Variants in PKD1L1 observed in about 807,000 individuals in gnomAD.
PKD1L1 encodes the protein polycystin-1-like protein 1.
A neutral mutation model predicts 323.4 loss-of-function variants in PKD1L1; 236 were observed. The observed-to-expected ratio is 0.73, with a 90% confidence interval of 0.66 to 0.81. The LOEUF is 0.81. Ranked by LOEUF, PKD1L1 falls within the 40% of genes least tolerant of loss-of-function variation. The probability of loss-of-function intolerance (pLI) is 0.00; values close to 1 mark genes in which losing one functional copy is unlikely to be tolerated. For synonymous variants in PKD1L1, 1,344 were observed against 1,335.0 expected (o/e 1.01, Z -0.15); for missense variants, 3,320 against 3,508.0 (o/e 0.95, Z 1.35).
intron 2 of PKD1L1, among the ~76,000 whole-genome samples, chr7:47,940,801 C>T (rs571819370): frequency 5.3e-5 from 8 of 152,306 alleles, no homozygotes; most frequent in East Asian, 1.9e-4. Flanking sequence ...ACCTGGCTGA[C>T]GTTCACTCCT....
At chr7:47,857,065 G>C (rs1785921159) in intron 28 of PKD1L1, among the ~76,000 whole-genome samples, 1 of 152,160 alleles carries the variant, frequency 6.6e-6, no homozygotes, top group Non-Finnish European at 1.5e-5. Context: ...CCCTTTCACT[G>C]TGGTCCCCTG....
chr7:47,915,599 C>A lies in PKD1L1; in HGVS notation c.1061G>T (p.Gly354Val), dbSNP rs369075538. The change falls in exon 8 of 57, where the codon GGT (glycine) becomes GTT (valine). Residue 354 changes from glycine (G) to valine (V), a missense_variant and splice_region_variant. Physicochemically the swap from Gly to Val is moderately radical, Grantham distance 109. Coordinates refer to ENST00000289672, the MANE Select transcript of PKD1L1 (RefSeq NM_138295.5). ...AAAATGTAAAAGATGAAAAAAAATA[C>A]CTATAAAAGCAAAAAGAAGAAAATA... Reference protein sequence around the residue: ...AVTAYHQYSKGIFFHLLHFQL... With the variant: ...AVTAYHQYSKVIFFHLLHFQL... 4.7e-6 allele frequency: 7 copies of A among 1,481,910 alleles called. No individual in the cohort carries two copies. The highest frequency in any genetic ancestry group is 2.0e-5 in the Admixed American group (1 of 48,994). 91.8% of individuals were successfully genotyped at this position (1,481,910 alleles called of 1,614,324 possible). A position where few individuals can be genotyped will look rare whatever the true frequency, so the allele number is the denominator to read the frequency against.
At chr7:47,880,375 G>A (rs185085863) in intron 21 of PKD1L1, among the ~76,000 whole-genome samples, 39,237 of 126,500 alleles carry the variant, frequency 0.31, 7,804 homozygotes, top group African/African-American at 0.51. Context: ...TCCACCTCCT[G>A]GGTTCACGCC....
In PKD1L1 at chr7:47,877,420, G is replaced by A. The variant is rs149171565; in HGVS notation, c.3663+69C>T. On this transcript the variant is annotated intron_variant, in intron 22 of 56. Transcript: ENST00000289672. ...ATTGCTGTCCATTCCTACAGCACCCGTGACTGCTGTGACTGCCAGATGCCA... is the reference window on the plus strand; with the variant it reads ...ATTGCTGTCCATTCCTACAGCACCCATGACTGCTGTGACTGCCAGATGCCA... 2.2e-3 allele frequency: 3,546 copies of A among 1,578,524 alleles called. 2 individuals carry two copies. The highest frequency in any genetic ancestry group is 4.0e-3 in the Middle Eastern group (18 of 4,476).
rs922520979 is a variant in PKD1L1 at position 47,922,448 on chromosome 7, TC to T, written c.1060+6755del. 2.9e-4 allele frequency among the ~76,000 whole-genome samples: 42 copies of T among 143,568 alleles called. 1 individual carries two copies. The highest frequency in any genetic ancestry group is 4.1e-3 in the Middle Eastern group (1 of 242). 94.2% of individuals were successfully genotyped at this position (143,568 alleles called of 152,430 possible). ...GAGGAGCACCTCTTCCCGGCCGTCA[TC>T]CCGTCTAGGAAGTGAGGAGCGTCTC... On this transcript the variant is annotated intron_variant, in intron 7 of 56. Coordinates refer to ENST00000289672, the MANE Select transcript of PKD1L1 (RefSeq NM_138295.5).
chr7:47,928,897 A>C (rs1415291798), intron 7 of PKD1L1, among the ~76,000 whole-genome samples: 1 of 152,184 alleles, frequency 6.6e-6, no homozygotes, highest in Non-Finnish European at 1.5e-5. Flanking sequence ...TCTGTGTAGG[A>C]TGAAGCGCCA....
At chr7:47,783,299 C>T (rs1584940606) in intron 56 of PKD1L1, among the ~76,000 whole-genome samples, 1 of 151,734 alleles carries the variant, frequency 6.6e-6, no homozygotes, top group African/African-American at 2.4e-5. Flanking sequence ...AACATACAAA[C>T]ATCATTCTTA....
chr7:47,830,517 AT>A (rs947940566), intron 42 of PKD1L1, among the ~76,000 whole-genome samples: 4 of 152,148 alleles, frequency 2.6e-5, no homozygotes, highest in Non-Finnish European at 5.9e-5. Flanking sequence ...CTGCTTTCAT[AT>A]TTCAGCTGCT....
intron 50 of PKD1L1, among the ~76,000 whole-genome samples, chr7:47,810,576 T>G (rs1414940266): frequency 2.0e-5 from 3 of 152,194 alleles, no homozygotes; most frequent in African/African-American, 7.2e-5. Context: ...TCTACACAAA[T>G]CTCAGCCTTT....
rs1583616615 is a variant in PKD1L1 at position 47,846,744 on chromosome 7, A to C, written c.5153+135T>G. On this transcript the variant is annotated intron_variant, in intron 32 of 56. Coordinates refer to ENST00000289672, the MANE Select transcript of PKD1L1 (RefSeq NM_138295.5). ...CTATGAGAGAACTGACACAGGCTGG[A>C]GAGTTGTACAAACCAAGAGAGCTCC... The C allele has an allele frequency of 6.6e-6, 5 of 761,588 alleles. No homozygotes were observed. The East Asian group carries it at 1.4e-4, about 21-fold the overall frequency. 47.2% of individuals were successfully genotyped at this position (761,588 alleles called of 1,614,324 possible). A position where few individuals can be genotyped will look rare whatever the true frequency, so the allele number is the denominator to read the frequency against.
chr7:47,952,986 T>C (rs1016773600), upstream of PKD1L1, among the ~76,000 whole-genome samples: 6 of 152,206 alleles, frequency 3.9e-5, no homozygotes, highest in Admixed American at 2.6e-4. Flanking sequence ...CCAAATGCCT[T>C]GGGTCCTTTG....
intron 4 of PKD1L1, among the ~76,000 whole-genome samples, chr7:47,935,588 G>A (rs1787852917): frequency 1.3e-5 from 2 of 152,204 alleles, no homozygotes; most frequent in Admixed American, 1.3e-4. Flanking sequence ...TGTGCAGCGT[G>A]GCCTGCCCTC....
At chr7:47,796,226 A>G (rs1784524069) in intron 54 of PKD1L1, 76 bp from the exon 55 acceptor site, 5 of 1,267,104 alleles carry the variant, frequency 3.9e-6, no homozygotes, top group Non-Finnish European at 5.4e-6. Context: ...GTGATAAACT[A>G]TGCAATGGAG....
intron 54 of PKD1L1, among the ~76,000 whole-genome samples, chr7:47,797,393 G>A (rs1778610456): frequency 6.6e-6 from 1 of 152,190 alleles, no homozygotes; most frequent in South Asian, 2.1e-4. Context: ...TCATATGTTT[G>A]TTCTTGATTG....
chr7:47,819,866 A>G lies in PKD1L1; in HGVS notation c.6965+1210T>C, dbSNP rs540429014. ...GATTAAATTGACTTTCCAGCCACTC[A>G]CTTCTGCCAAAAAATCCAACCAAAA... On this transcript the variant is annotated intron_variant, in intron 46 of 56. Transcript: ENST00000289672. The G allele has an allele frequency of 2.1e-4, 50 of 242,514 alleles. 2 individuals are homozygous for G. Among genetic ancestry groups the G allele is most frequent in the African/African-American group, 9.7e-4 (41 of 42,182 alleles). The allele number at this position is 242,514 out of a possible 1,614,324, so 15.0% of individuals were successfully genotyped here.
At chr7:47,817,834 C>T (rs949809620) in intron 46 of PKD1L1, among the ~76,000 whole-genome samples, 6 of 152,116 alleles carry the variant, frequency 3.9e-5, no homozygotes, top group Non-Finnish European at 7.4e-5. Context: ...CGCGTCACTG[C>T]ACTCCAGCCT....
At chr7:47,890,895 C>A in intron 15 of PKD1L1, 132 bp from the exon 16 acceptor site, 1 of 772,676 alleles carries the variant, frequency 1.3e-6, no homozygotes, top group Non-Finnish European at 2.1e-6. Context: ...ATATTGCTTC[C>A]CACATTTTCT....
chr7:47,885,514 G>A (rs554655470), intron 18 of PKD1L1, among the ~76,000 whole-genome samples, 172 bp downstream of exon 18: 1 of 152,314 alleles, frequency 6.6e-6, no homozygotes, highest in South Asian at 2.1e-4. Context: ...TGAGGAATCC[G>A]AAACTCGATG....
chr7:47,793,227 G>A (rs143825237), intron 55 of PKD1L1, among the ~76,000 whole-genome samples: 214 of 152,210 alleles, frequency 1.4e-3, no homozygotes, highest in Admixed American at 1.4e-3. Context: ...GTACAGTACC[G>A]TGATTACATA....
Sources: gnomAD v4.1 joint callset for allele counts (sites outside exome capture counted in the v4.1 genomes callset) on GRCh38, gnomAD v4.1.1 for gene constraint, MANE v1.5 for transcripts, NCBI Gene and HGNC (gene_info 2026-07-23, HGNC 2026-07-21) for gene names.